VDAC1: variants seen among roughly 807,000 people sequenced by gnomAD.
VDAC1 encodes non-selective voltage-gated ion channel VDAC1.
A neutral mutation model predicts 34.7 loss-of-function variants in VDAC1; 10 were observed. The observed-to-expected ratio is 0.29, with a 90% CI of 0.18 to 0.49. VDAC1 has a LOEUF of 0.49. Ranked by LOEUF, VDAC1 falls within the 20% of genes least tolerant of loss-of-function variation. The pLI is 0.99. For synonymous variants in VDAC1, 130 were observed against 136.0 expected (o/e 0.96, Z 0.30); for missense variants, 230 against 347.9 (o/e 0.66, Z 2.69).
At chr5:133,973,703 C>A (rs1752380263) in intron 8 of VDAC1, 88 bp downstream of exon 8, 1 of 1,253,134 alleles carries the variant, frequency 8.0e-7, no homozygotes, top group Non-Finnish European at 1.1e-6. Context: ...ATTATATAAA[C>A]ATTTTATAAG....
the VDAC1 span, among the ~76,000 whole-genome samples, chr5:134,024,591 G>A: frequency 6.5e-3 from 943 of 145,224 alleles, 9 homozygotes; most frequent in African/African-American, 0.023. Context: ...CTCATCAAGA[G>A]ATAGAAACTT....
intron 1 of VDAC1, among the ~76,000 whole-genome samples, chr5:134,002,929 G>A (rs538451681): frequency 5.3e-5 from 8 of 151,208 alleles, no homozygotes; most frequent in Admixed American, 2.0e-4. Flanking sequence ...TGGTGCCACC[G>A]CGCTCCAGAC....
chr5:134,071,649 T>C, the VDAC1 span, among the ~76,000 whole-genome samples: 1 of 152,216 alleles, frequency 6.6e-6, no homozygotes, highest in Admixed American at 6.5e-5. This position sits in a 1 kb window ranked among gnomAD's most constrained non-coding sequence, Gnocchi z 4.1. Context: ...GGGGTGAGTG[T>C]CTTGAAAGAA....
At chr5:133,974,641 A>T (rs1055328471) in intron 7 of VDAC1, among the ~76,000 whole-genome samples, 1 of 152,234 alleles carries the variant, frequency 6.6e-6, no homozygotes, top group African/African-American at 2.4e-5. Flanking sequence ...CTAAGTTTCT[A>T]GTTCCTCATT....
chr5:134,001,580 T>C (rs1260214925), intron 1 of VDAC1, among the ~76,000 whole-genome samples: 6 of 151,694 alleles, frequency 4.0e-5, no homozygotes, highest in Non-Finnish European at 8.8e-5. Flanking sequence ...TAGCCAGGCA[T>C]GGTGGCAGGC....
chr5:134,075,788 T>C, the VDAC1 span, among the ~76,000 whole-genome samples: 1 of 151,898 alleles, frequency 6.6e-6, no homozygotes, highest in Admixed American at 6.6e-5. Context: ...GGTTTCACCA[T>C]GTTAGCCAGG....
chr5:134,020,182 C>T, the VDAC1 span, among the ~76,000 whole-genome samples: 1 of 151,930 alleles, frequency 6.6e-6, no homozygotes, highest in East Asian at 1.9e-4. Flanking sequence ...GCCACTGTTT[C>T]GCCAAGCCAC....
chr5:133,992,972 G>C lies in VDAC1; in HGVS notation c.41C>G (p.Ala14Gly). 3 of 1,613,544 alleles carry C rather than the reference G, an allele frequency of 1.9e-6. No individual in the cohort carries two copies. Among genetic ancestry groups the C allele is most frequent in the Non-Finnish European group, 2.5e-6 (3 of 1,179,698 alleles). ...ATAGCCCTTGGTGAAGACATCCCTGGCAGATTTGCCAAGATCGGCATACGT... is the reference window on the plus strand; with the variant it reads ...ATAGCCCTTGGTGAAGACATCCCTGCCAGATTTGCCAAGATCGGCATACGT... ...PPTYADLGKS[A>G]RDVFTKGYGF... Residue 14 changes from alanine (A) to glycine (G), a missense_variant, in exon 2 of 9, where the codon GCC (alanine) becomes GGC (glycine). Physicochemically the swap from Ala to Gly is moderately conservative, Grantham distance 60 (BLOSUM62 0). Transcript: ENST00000265333.
At chr5:134,084,575 C>CA in the VDAC1 span, among the ~76,000 whole-genome samples, 2 of 152,258 alleles carry the variant, frequency 1.3e-5, no homozygotes, top group African/African-American at 4.8e-5. Context: ...CATGCCTGCT[C>CA]AGGTCCTGGC....
At chr5:134,003,724 G>A (rs1185288331) in intron 1 of VDAC1, among the ~76,000 whole-genome samples, 1 of 152,188 alleles carries the variant, frequency 6.6e-6, no homozygotes, top group Non-Finnish European at 1.5e-5. Context: ...TGTTCTAAAG[G>A]TTTCATGCTA....
At chr5:134,112,548 G>A in the VDAC1 span, among the ~76,000 whole-genome samples, 2 of 152,180 alleles carry the variant, frequency 1.3e-5, no homozygotes, top group African/African-American at 2.4e-5. Context: ...TTGGAGCTAT[G>A]ACCCCATAGG....
At chr5:134,099,797 G>A in the VDAC1 span, among the ~76,000 whole-genome samples, 4 of 152,272 alleles carry the variant, frequency 2.6e-5, no homozygotes, top group East Asian at 3.9e-4. Flanking sequence ...TGCCCAGGCC[G>A]GTCTCAAACT....
the VDAC1 span, among the ~76,000 whole-genome samples, chr5:134,039,629 G>A: frequency 2.0e-5 from 3 of 152,208 alleles, no homozygotes; most frequent in Admixed American, 6.5e-5. Flanking sequence ...GCGCCCGGCA[G>A]ACGTGCGTAA....
At chr5:134,054,458 C>CTTTTTTTTTTTT in the VDAC1 span, among the ~76,000 whole-genome samples, 9 of 123,544 alleles carry the variant, frequency 7.3e-5, no homozygotes, top group Non-Finnish European at 8.0e-5. Context: ...TCCTTCCTTC[C>CTTTTTTTTTTTT]TTTTTTTTTT....
the VDAC1 span, among the ~76,000 whole-genome samples, chr5:134,033,755 G>T: frequency 1.5e-4 from 23 of 151,772 alleles, no homozygotes; most frequent in African/African-American, 3.6e-4. Flanking sequence ...CACTTTGGGA[G>T]GCCAAGGCGG....
chr5:134,021,876 A>T, the VDAC1 span, among the ~76,000 whole-genome samples: 3 of 133,208 alleles, frequency 2.3e-5, no homozygotes, highest in Admixed American at 7.8e-5. Flanking sequence ...AAAGCCTGTG[A>T]TTTTTTTTTT....
At chr5:134,104,602 T>G in the VDAC1 span, among the ~76,000 whole-genome samples, 1 of 151,848 alleles carries the variant, frequency 6.6e-6, no homozygotes, top group Non-Finnish European at 1.5e-5. Context: ...GCTTTTAACC[T>G]CCCTCCCCCA....
chr5:133,974,769 A>G (rs1295798037), intron 7 of VDAC1, among the ~76,000 whole-genome samples: 1 of 152,222 alleles, frequency 6.6e-6, no homozygotes, highest in South Asian at 2.1e-4. Flanking sequence ...CCTGACCAAC[A>G]TGGTGAAACC....
the VDAC1 span, among the ~76,000 whole-genome samples, chr5:134,039,504 A>AT: frequency 1.1e-3 from 104 of 95,880 alleles, no homozygotes; most frequent in East Asian, 0.012. Flanking sequence ...AATTTTTTGT[A>AT]TTTTTAGTAG....
Sources: allele counts gnomAD v4.1 joint callset (sites outside exome capture counted in the v4.1 genomes callset), GRCh38; gene constraint gnomAD v4.1.1; non-coding constraint Gnocchi (gnomAD v3.1); transcripts MANE v1.5; gene names NCBI Gene and HGNC (gene_info 2026-07-23, HGNC 2026-07-21).